The following ATXN3 variants were observed in gnomAD, a reference collection of about 807,000 sequenced individuals.
ATXN3 encodes ataxin 3, also known as ataxin-3.
A neutral mutation model predicts 58.2 loss-of-function variants in ATXN3; 28 were observed. The ratio of observed to expected loss-of-function variants is 0.48; its 90% CI spans 0.36 to 0.66. The LOEUF (loss-of-function observed/expected upper bound fraction) is 0.66. Ranked by LOEUF, ATXN3 falls within the 30% of genes least tolerant of loss-of-function variation. ATXN3 has a pLI of 0.00. For missense variants in ATXN3, 321 were observed against 422.1 expected, an observed-to-expected ratio of 0.76 and a Z score of 2.10; for synonymous variants, 113 against 138.5, an observed-to-expected ratio of 0.82 and a Z score of 1.29.
At position 92,082,403 on chromosome 14, in the gene ATXN3, T is replaced by G. The variant is rs148366775; in HGVS notation, c.672A>C (p.Glu224Asp). Residue 224 changes from glutamate to aspartate, a missense_variant, in exon 8 of 11, where the codon GAA (glutamate) becomes GAC (aspartate). By Grantham distance (45) the Glu-to-Asp change is conservative. Around this residue, in one of 2 missense-constraint regions of ATXN3, gnomAD observed 200 missense variants for 223.2 expected, o/e 0.90. Transcript: ENST00000644486. ...EANDGSGMLD[E>D]DEEDLQRALA... Reference sequence around the variant, plus strand: ...GAGCCCTCTGCAAATCCTCCTCATCTTCGTCTAACATTCCTGAGCCATCAT... The same window carrying G: ...GAGCCCTCTGCAAATCCTCCTCATCGTCGTCTAACATTCCTGAGCCATCAT... The G allele has an allele frequency of 2.0e-4, 320 of 1,614,056 alleles. 1 individual carries two copies. The highest frequency in any genetic ancestry group is 2.6e-4 in the Non-Finnish European group (301 of 1,180,020).
chr14:92,064,416 T>TGTTGG lies in ATXN3; in HGVS notation c.992-7_992-3dup. 2 of 1,599,730 alleles carry TGTTGG rather than the reference T, an allele frequency of 1.3e-6. No individual in the cohort carries two copies. The highest frequency in any genetic ancestry group is 1.7e-6 in the Non-Finnish European group (2 of 1,171,964). On this transcript the variant is annotated splice_polypyrimidine_tract_variant and splice_region_variant and intron_variant, in intron 10 of 10. Coordinates refer to ENST00000644486, the MANE Select transcript of ATXN3 (RefSeq NM_004993.6). ...TGTCTTCTTCACTCATAGCATCACCTGTTGGGAAACAAAACCACATTTCTT... is the reference window on the plus strand; with the variant it reads ...TGTCTTCTTCACTCATAGCATCACCTGTTGGGTTGGGAAACAAAACCACATTTCTT...
At chr14:92,074,909 G>A (rs2060074801) in intron 9 of ATXN3, among the ~76,000 whole-genome samples, 1 of 152,162 alleles carries the variant, frequency 6.6e-6, no homozygotes, top group Non-Finnish European at 1.5e-5. Context: ...CACACCTAGA[G>A]AAGACATTAA....
At chr14:92,053,993 GGC>G (rs1429228996), downstream of ATXN3, among the ~76,000 whole-genome samples, 3 of 151,196 alleles carry the variant, frequency 2.0e-5, no homozygotes, top group Non-Finnish European at 4.4e-5. Flanking sequence ...TGGAGTGCAT[GGC>G]GCGATATCTG....
At chr14:92,066,622 T>TTTTTTTTAA (rs1566910464) in intron 10 of ATXN3, among the ~76,000 whole-genome samples, 1 of 144,218 alleles carries the variant, frequency 6.9e-6, no homozygotes, top group Non-Finnish European at 1.5e-5. Flanking sequence ...TTTTTTTTTT[T>TTTTTTTTAA]TTTGAGACAA....
At chr14:92,089,635 G>A (rs2140971171) in intron 5 of ATXN3, among the ~76,000 whole-genome samples, 1 of 152,214 alleles carries the variant, frequency 6.6e-6, no homozygotes, top group East Asian at 1.9e-4. Context: ...ACCGCGCCCG[G>A]CCCTGTTAGA....
intron 1 of ATXN3, among the ~76,000 whole-genome samples, chr14:92,105,726 C>A (rs2068135012): frequency 6.6e-6 from 1 of 152,162 alleles, no homozygotes; most frequent in South Asian, 2.1e-4. Context: ...TTACATATCA[C>A]AAACAGTATC....
chr14:92,106,411 G>A, intron 1 of ATXN3, 118 bp downstream of exon 1: 5 of 1,354,020 alleles, frequency 3.7e-6, no homozygotes, highest in South Asian at 1.2e-5. Flanking sequence ...GCCCCTCGCC[G>A]GGCGAGATCG....
chr14:92,084,889 T>C (rs1318271085), intron 6 of ATXN3, among the ~76,000 whole-genome samples: 2 of 152,186 alleles, frequency 1.3e-5, no homozygotes, highest in African/African-American at 4.8e-5. Context: ...ACATTTTTCT[T>C]AAACTTTGGT....
intron 3 of ATXN3, among the ~76,000 whole-genome samples, chr14:92,095,060 T>C (rs1422286864): frequency 6.7e-6 from 1 of 149,232 alleles, no homozygotes; most frequent in East Asian, 2.0e-4. Flanking sequence ...CGAGTACATA[T>C]ATATATAACC....
intron 1 of ATXN3, among the ~76,000 whole-genome samples, chr14:92,103,683 C>T (rs1161112226): frequency 6.6e-6 from 1 of 152,240 alleles, no homozygotes; most frequent in African/African-American, 2.4e-5. Context: ...GGCCCTCTCT[C>T]AGGCACTGCA....
downstream of ATXN3, among the ~76,000 whole-genome samples, chr14:92,055,040 C>G (rs1226805333): frequency 6.6e-6 from 1 of 152,168 alleles, no homozygotes; most frequent in African/African-American, 2.4e-5. This position sits in a 1 kb window ranked among gnomAD's most constrained non-coding sequence, Gnocchi z 4.5. Flanking sequence ...CGCCACCACA[C>G]CCGGCTAATT....
At chr14:92,071,468 C>A in intron 9 of ATXN3, 1 of 348,096 alleles carries the variant, frequency 2.9e-6, no homozygotes, top group Non-Finnish European at 5.6e-6. Flanking sequence ...TGGTGGCAGG[C>A]ACCTGTAATC....
intron 6 of ATXN3, among the ~76,000 whole-genome samples, chr14:92,087,420 C>T (rs1413785198): frequency 1.3e-5 from 2 of 152,134 alleles, no homozygotes; most frequent in African/African-American, 2.4e-5. Context: ...TGCTGCACTC[C>T]AGCCTGGGCT....
chr14:92,044,821 G>A (rs1054322039), exon 3 of ATXN3: 1 of 152,252 alleles, frequency 6.6e-6, no homozygotes, highest in Non-Finnish European at 1.5e-5. Flanking sequence ...CAGTGGGGAG[G>A]ATCCTGCAGG....
intron 2 of ATXN3, among the ~76,000 whole-genome samples, chr14:92,045,611 T>A (rs1448328392): frequency 6.6e-6 from 1 of 152,158 alleles, no homozygotes; most frequent in African/African-American, 2.4e-5. Context: ...GAATAGCAGA[T>A]GGAACACTGA....
Position 92,066,927 on chromosome 14 carries a change from A to G in ATXN3, c.992-2513T>C, listed in dbSNP as rs1267334382. On this transcript the variant is annotated intron_variant, in intron 10 of 10. Transcript: ENST00000644486. Reference sequence around the variant, plus strand: ...TAGGATTATAGGTGCGTGCCACCACACCTGGCTAATTTTTGTATTTTTAGT... The same window carrying G: ...TAGGATTATAGGTGCGTGCCACCACGCCTGGCTAATTTTTGTATTTTTAGT... Among the ~76,000 whole-genome samples, 3 of 151,740 alleles carry G rather than the reference A, an allele frequency of 2.0e-5. No individual in the cohort carries two copies. In the South Asian group the frequency reaches 6.3e-4, roughly 32 times the overall value.
chr14:92,066,465 ATTTCT>A (rs915775432), intron 10 of ATXN3, among the ~76,000 whole-genome samples: 3 of 136,582 alleles, frequency 2.2e-5, no homozygotes, highest in Non-Finnish European at 3.1e-5. Flanking sequence ...TTCTTTTATC[ATTTCT>A]TTTCTGTTTA....
At chr14:92,057,207 A>C (rs1331276381), downstream of ATXN3, among the ~76,000 whole-genome samples, 1 of 152,170 alleles carries the variant, frequency 6.6e-6, no homozygotes, top group Non-Finnish European at 1.5e-5. Flanking sequence ...CACGAAGTCA[A>C]GAGATTGAGA....
intron 10 of ATXN3, among the ~76,000 whole-genome samples, chr14:92,069,285 G>A (rs893303001): frequency 6.6e-6 from 1 of 151,366 alleles, no homozygotes; most frequent in Non-Finnish European, 1.5e-5. Flanking sequence ...TGGCCAGGCT[G>A]GTCTTGAACT....
Sources: allele counts gnomAD v4.1 joint callset (sites outside exome capture counted in the v4.1 genomes callset), GRCh38; gene constraint gnomAD v4.1.1; regional missense constraint gnomAD v4.1.1; non-coding constraint Gnocchi (gnomAD v3.1); transcripts MANE v1.5; gene names NCBI Gene and HGNC (gene_info 2026-07-23, HGNC 2026-07-21).